Variants in KCNH3 observed in about 807,000 individuals in gnomAD.
KCNH3 encodes the protein voltage-gated inwardly rectifying potassium channel KCNH3.
KCNH3 carries 36 observed loss-of-function variants against 95.6 expected under a neutral mutation model. The observed-to-expected ratio is 0.38, with a 90% CI of 0.29 to 0.50. The LOEUF is 0.50. Ranked by LOEUF, KCNH3 falls within the 20% of genes least tolerant of loss-of-function variation. The pLI, the probability that KCNH3 is intolerant of heterozygous loss-of-function variation, is 0.95. For synonymous variants in KCNH3, 620 were observed against 646.3 expected (o/e 0.96, Z 0.62); for missense variants, 1,030 against 1,484.1 (o/e 0.69, Z 5.03).
chr12:49,543,196 G>A (rs926545902), intron 4 of KCNH3, 79 bp from the exon 5 acceptor site: 8 of 1,468,998 alleles, frequency 5.4e-6, no homozygotes, highest in Non-Finnish European at 7.4e-6. Context: ...GGAGGTGGAT[G>A]CGGGTCCCAG....
chr12:49,542,935 G>GC (rs1268331854), intron 4 of KCNH3, 96 bp downstream of exon 4: 1 of 1,448,164 alleles, frequency 6.9e-7, no homozygotes, highest in Non-Finnish European at 9.2e-7. Context: ...TGTCCTAGGG[G>GC]CCACCCAGGC....
chr12:49,549,383 C>T (rs1329475778), intron 8 of KCNH3, 58 bp from the exon 9 acceptor site: 1 of 1,579,418 alleles, frequency 6.3e-7, no homozygotes, highest in Non-Finnish European at 8.7e-7. Flanking sequence ...ATGAGCCCAG[C>T]GTGGTGTCAG....
chr12:49,558,105 C>T lies in KCNH3; in HGVS notation c.*152C>T, dbSNP rs557508460. 2 of 838,660 alleles carry T rather than the reference C, an allele frequency of 2.4e-6. No individual in the cohort carries two copies. Among genetic ancestry groups the T allele is most frequent in the Non-Finnish European group, 3.3e-6 (2 of 601,224 alleles). 52.0% of individuals were successfully genotyped at this position (838,660 alleles called of 1,614,324 possible). A position where few individuals can be genotyped will look rare whatever the true frequency, so the allele number is the denominator to read the frequency against. The stretch of plus-strand genomic sequence containing the variant: ...CCTGGAAGCAAAGGAGGACCTGGCT[C>T]CTGACTCTCAGAGAGGATAGGCTGG... On this transcript the variant is annotated 3_prime_UTR_variant, in exon 15 of 15. Coordinates refer to ENST00000257981, the MANE Select transcript of KCNH3 (RefSeq NM_012284.3).
In KCNH3 at chr12:49,539,242, G is replaced by T. The variant is rs1937781736; in HGVS notation, c.-175G>T. The T allele has an allele frequency of 5.1e-6, 1 of 194,812 alleles. No individual in the cohort carries two copies. Among genetic ancestry groups the T allele is most frequent in the South Asian group, 1.9e-4 (1 of 5,278 alleles). The allele number at this position is 194,812 out of a possible 1,614,324, so 12.1% of individuals were successfully genotyped here. ...TGCTCCGGGCCCCGACGGCGCGGAC[G>T]CCCCCTCGCGCGCCAGCGTCCGGCG... On this transcript the variant is annotated 5_prime_UTR_variant, in exon 1 of 15. Transcript: ENST00000257981. This position sits in a 1 kb window ranked among gnomAD's most constrained non-coding sequence, Gnocchi z 6.7.
rs1324412501 is a variant in KCNH3 at position 49,541,087 on chromosome 12, G to A, written c.265G>A (p.Glu89Lys). The change falls in exon 2 of 15, where the codon GAG (glutamate) becomes AAG (lysine). Residue 89 changes from glutamate (E) to lysine (K), a missense_variant. By Grantham distance (56) the Glu-to-Lys change is moderately conservative. Coordinates refer to ENST00000257981, the MANE Select transcript of KCNH3 (RefSeq NM_012284.3). ...CCAACAGATCCGCAAGGCCCTGGACGAGCACAAGGAGTTCAAGGCTGAGCT... is the reference window on the plus strand; with the variant it reads ...CCAACAGATCCGCAAGGCCCTGGACAAGCACAAGGAGTTCAAGGCTGAGCT... ...VRQQIRKALDEHKEFKAELIL... is the reference protein window; with the variant it reads ...VRQQIRKALDKHKEFKAELIL... 1.9e-6 allele frequency: 3 copies of A among 1,610,402 alleles called. No homozygotes were observed. The highest frequency in any genetic ancestry group is 2.5e-6 in the Non-Finnish European group (3 of 1,180,006).
chr12:49,551,433 G>A (rs945586272), intron 10 of KCNH3, among the ~76,000 whole-genome samples: 3 of 151,942 alleles, frequency 2.0e-5, no homozygotes, highest in Non-Finnish European at 4.4e-5. Context: ...AAAATTAGCC[G>A]GGTGTGGTGG....
Position 49,557,452 on chromosome 12 carries a change from G to T in KCNH3, c.2751G>T (p.Pro917=). 6.2e-7 allele frequency: 1 copy of T among 1,610,216 alleles called. No individual in the cohort carries two copies. Among genetic ancestry groups the T allele is most frequent in the Non-Finnish European group, 8.5e-7 (1 of 1,178,542 alleles). The change falls in exon 15 of 15, where the codon CCG becomes CCT. Residue 917 remains proline (P), a synonymous_variant. Transcript: ENST00000257981. ...QLVLAPHREG[P]CPRASGEGPC... The stretch of plus-strand genomic sequence containing the variant: ...TCCTGGCGCCCCACAGGGAGGGTCC[G>T]TGCCCTCGGGCATCGGGAGAGGGGC...
intron 12 of KCNH3, 151 bp from the exon 13 acceptor site, chr12:49,556,219 G>A (rs1262145267): frequency 4.5e-6 from 3 of 669,544 alleles, no homozygotes; most frequent in East Asian, 2.6e-5. Flanking sequence ...AGCTCCTAGG[G>A]GAAGGGACCC....
rs776264448 is a variant in KCNH3, at chr12:49,549,009, C to G, written c.1304C>G (p.Ala435Gly). The G allele has an allele frequency of 1.2e-6, 2 of 1,611,562 alleles. No individual in the cohort carries two copies. The highest frequency in any genetic ancestry group is 2.2e-5 in the South Asian group (2 of 90,992). The change falls in exon 8 of 15, where the codon GCC (alanine) becomes GGC (glycine). Residue 435 changes from alanine (A) to glycine (G), a missense_variant. Around this residue, in one of 9 missense-constraint regions of KCNH3, gnomAD observed 50 missense variants for 41.0 expected, o/e 1.22. Transcript: ENST00000257981. ...GACAACTGCAGCAGCAGCAGCGAGG[C>G]CAACGGGACGGGGCTGGAGCTGCTG... ...QSDNCSSSSE[A>G]NGTGLELLGG...
At chr12:49,549,378 C>A in intron 8 of KCNH3, 63 bp from the exon 9 acceptor site, 1 of 1,574,844 alleles carries the variant, frequency 6.3e-7, no homozygotes, top group South Asian at 1.1e-5. Context: ...GACAGATGAG[C>A]CCAGCGTGGT....
intron 2 of KCNH3, 42 bp downstream of exon 2, chr12:49,541,174 C>T (rs771480897): frequency 6.8e-7 from 1 of 1,476,910 alleles, no homozygotes; most frequent in South Asian, 1.2e-5. Flanking sequence ...TTTGCAGTCT[C>T]ACCCAGCCTG....
chr12:49,557,048 C>T (rs1938484742), intron 13 of KCNH3, 135 bp from the exon 14 acceptor site: 1 of 862,406 alleles, frequency 1.2e-6, no homozygotes, highest in African/African-American at 1.7e-5. Context: ...GCACCTTGGG[C>T]AAGGCCAGAA....
At chr12:49,551,108 C>T (rs1276304177) in intron 10 of KCNH3, among the ~76,000 whole-genome samples, 1 of 152,224 alleles carries the variant, frequency 6.6e-6, no homozygotes, top group African/African-American at 2.4e-5. Context: ...GCTGGAGCCC[C>T]ATCCACCTGG....
chr12:49,542,824 G>T lies in KCNH3; in HGVS notation c.564G>T (p.Lys188Asn). 6.2e-7 allele frequency: 1 copy of T among 1,607,128 alleles called. No individual in the cohort carries two copies. The highest frequency in any genetic ancestry group is 8.5e-7 in the Non-Finnish European group (1 of 1,177,790). ...ACCTGCAGAAGCAGCCCAAGGGCAA[G>T]CACAAGCTCAATAAGGTGGGCTCAG... ...SGHLQKQPKG[K>N]HKLNKGVFGE... Residue 188 changes from lysine (K) to asparagine (N), a missense_variant, in exon 4 of 15, where the codon AAG (lysine) becomes AAT (asparagine). Physicochemically the swap from Lys to Asn is moderately conservative, Grantham distance 94. Transcript: ENST00000257981.
intron 4 of KCNH3, among the ~76,000 whole-genome samples, 154 bp downstream of exon 4, chr12:49,542,993 C>A (rs1051000780): frequency 1.3e-5 from 2 of 152,168 alleles, no homozygotes; most frequent in African/African-American, 2.4e-5. Context: ...AGATCACATG[C>A]CTGATCCATC....
chr12:49,548,299 G>A (rs1023827144), intron 7 of KCNH3, among the ~76,000 whole-genome samples: 2 of 152,224 alleles, frequency 1.3e-5, no homozygotes, highest in African/African-American at 4.8e-5. Flanking sequence ...CCTGTAAGGG[G>A]CATACATGTG....
At chr12:49,553,943 G>A (rs1015217461) in intron 10 of KCNH3, among the ~76,000 whole-genome samples, 1 of 152,240 alleles carries the variant, frequency 6.6e-6, no homozygotes, top group Non-Finnish European at 1.5e-5. Flanking sequence ...CATAGATACT[G>A]TGACGCTGTA....
intron 2 of KCNH3, 72 bp from the exon 3 acceptor site, chr12:49,541,558 T>G (rs1592497375): frequency 1.3e-6 from 2 of 1,557,330 alleles, no homozygotes; most frequent in African/African-American, 2.7e-5. Context: ...GGGATGTCAG[T>G]GGAGCCAGGG....
At chr12:49,541,844 G>C in intron 3 of KCNH3, 80 bp downstream of exon 3, 1 of 1,520,200 alleles carries the variant, frequency 6.6e-7, no homozygotes, top group Non-Finnish European at 8.9e-7. Flanking sequence ...TCTGAGTACG[G>C]GGGTCCCCCA....
Sources: gnomAD v4.1 joint callset for allele counts (sites outside exome capture counted in the v4.1 genomes callset) on GRCh38, gnomAD v4.1.1 for gene constraint, gnomAD v4.1.1 regional missense constraint, Gnocchi (gnomAD v3.1) non-coding constraint, MANE v1.5 for transcripts, NCBI Gene and HGNC (gene_info 2026-07-23, HGNC 2026-07-21) for gene names.